Variants in GRM8 observed in about 807,000 individuals in gnomAD.
The protein encoded by GRM8 is glutamate metabotropic receptor 8, also known as metabotropic glutamate receptor 8.
Under a neutral mutation model 87.2 loss-of-function variants are expected in GRM8, and 47 were observed. The ratio of observed to expected loss-of-function variants is 0.54; its 90% CI spans 0.43 to 0.69. The LOEUF (loss-of-function observed/expected upper bound fraction) is 0.69. Among genes scored for constraint, GRM8 ranks in the 30% least tolerant of loss-of-function variants. GRM8 has a pLI of 0.00. For synonymous variants in GRM8, 396 were observed against 404.5 expected, an observed-to-expected ratio of 0.98 and a Z score of 0.25; for missense variants, 1,019 against 1,139.2, an observed-to-expected ratio of 0.89 and a Z score of 1.52.
intron 1 of GRM8, chr7:127,251,124 A>C (rs1159802796): frequency 6.6e-6 from 1 of 152,088 alleles, no homozygotes; most frequent in Non-Finnish European, 1.5e-5. Context: ...TGCTTAGGGG[A>C]CTTAAGGGTT....
At chr7:126,875,952 T>C (rs567002503) in intron 6 of GRM8, among the ~76,000 whole-genome samples, 166 of 152,284 alleles carry the variant, frequency 1.1e-3, no homozygotes, top group African/African-American at 3.9e-3. Context: ...TCGAATTCAG[T>C]AGTATTCATA....
chr7:127,120,622 T>C (rs981437156), intron 2 of GRM8, among the ~76,000 whole-genome samples: 2 of 152,236 alleles, frequency 1.3e-5, no homozygotes, highest in African/African-American at 4.8e-5. Flanking sequence ...AGAGCCCTGT[T>C]TCCTTTTGAA....
intron 6 of GRM8, among the ~76,000 whole-genome samples, chr7:126,813,668 A>G (rs1015417865): frequency 1.3e-5 from 2 of 152,036 alleles, no homozygotes; most frequent in Non-Finnish European, 2.9e-5. Context: ...AAACCTCAAG[A>G]ACCCTTAACA....
intron 3 of GRM8, among the ~76,000 whole-genome samples, chr7:127,009,521 A>G (rs1586739968): frequency 6.6e-6 from 1 of 152,288 alleles, no homozygotes; most frequent in South Asian, 2.1e-4. Context: ...GAAAACCTCA[A>G]CATTGCTCAT....
intron 2 of GRM8, among the ~76,000 whole-genome samples, chr7:127,148,423 A>T (rs530260896): frequency 6.6e-6 from 1 of 151,996 alleles, no homozygotes; most frequent in Admixed American, 6.6e-5. Flanking sequence ...AAGCAAAAAA[A>T]AAAAATAATA....
At chr7:126,607,681 G>A (rs937028610) in intron 8 of GRM8, among the ~76,000 whole-genome samples, 3 of 151,956 alleles carry the variant, frequency 2.0e-5, no homozygotes, top group East Asian at 1.9e-4. Flanking sequence ...ACTGTCTACC[G>A]TTCTTTTTTT....
At chr7:127,193,293 G>A (rs554563646) in intron 2 of GRM8, among the ~76,000 whole-genome samples, 4 of 152,256 alleles carry the variant, frequency 2.6e-5, no homozygotes, top group African/African-American at 9.6e-5. Context: ...AAATGAGAAT[G>A]TAAAAGCCAT....
At chr7:127,194,776 T>C (rs1331922402) in intron 2 of GRM8, among the ~76,000 whole-genome samples, 2 of 152,116 alleles carry the variant, frequency 1.3e-5, no homozygotes, top group Non-Finnish European at 2.9e-5. Flanking sequence ...CAGCCTAAAT[T>C]ACTCCTTAGT....
intron 9 of GRM8, among the ~76,000 whole-genome samples, chr7:126,473,093 CCA>C (rs1488247364): frequency 6.6e-6 from 1 of 152,280 alleles, no homozygotes; most frequent in East Asian, 1.9e-4. Context: ...ATGAGAGCCT[CCA>C]CACAGAGTCC....
chr7:126,624,688 T>C (rs1800499763), intron 7 of GRM8, among the ~76,000 whole-genome samples: 1 of 149,112 alleles, frequency 6.7e-6, no homozygotes, highest in Non-Finnish European at 1.5e-5. Context: ...TAGGCTACCC[T>C]TTTCCAGTCT....
chr7:126,889,717 G>T (rs1800820252), intron 6 of GRM8, among the ~76,000 whole-genome samples: 1 of 152,150 alleles, frequency 6.6e-6, no homozygotes, highest in African/African-American at 2.4e-5. Flanking sequence ...TGAGAAGCTG[G>T]TACTTAGGAA....
At chr7:127,245,744 A>C (rs1407461493) in intron 1 of GRM8, among the ~76,000 whole-genome samples, 1 of 152,212 alleles carries the variant, frequency 6.6e-6, no homozygotes, top group Non-Finnish European at 1.5e-5. Flanking sequence ...CTAGAGGTTC[A>C]GTTTTGGTTT....
intron 6 of GRM8, among the ~76,000 whole-genome samples, chr7:126,829,278 ATCTG>A (rs1795120637): frequency 7.0e-6 from 1 of 143,156 alleles, no homozygotes; most frequent in South Asian, 2.4e-4. Context: ...TGTCTCGTTG[ATCTG>A]TCTAATGTTG....
intron 2 of GRM8, among the ~76,000 whole-genome samples, chr7:127,226,460 C>G (rs1024207175): frequency 6.6e-6 from 1 of 152,188 alleles, no homozygotes; most frequent in African/African-American, 2.4e-5. Context: ...CTGATCTGTA[C>G]CTGAGATTCT....
intron 7 of GRM8, among the ~76,000 whole-genome samples, chr7:126,646,936 G>A (rs192129729): frequency 1.3e-5 from 2 of 152,280 alleles, no homozygotes; most frequent in Admixed American, 1.3e-4. Flanking sequence ...CCTGCATACA[G>A]TGGCCAGGGC....
intron 2 of GRM8, among the ~76,000 whole-genome samples, chr7:127,136,951 GA>G (rs535982061): frequency 2.0e-5 from 3 of 151,412 alleles, no homozygotes; most frequent in Non-Finnish European, 1.5e-5. Flanking sequence ...ATATATTTCT[GA>G]AAAAAAAGAA....
At chr7:126,518,488 C>A (rs1812501186) in intron 9 of GRM8, among the ~76,000 whole-genome samples, 1 of 151,964 alleles carries the variant, frequency 6.6e-6, no homozygotes, top group Non-Finnish European at 1.5e-5. Context: ...ACTGGGCATC[C>A]TTTTTCTCTT....
rs144418442 is a variant in GRM8, at chr7:126,872,973, A to G, written c.1156+29569T>C. Among the ~76,000 whole-genome samples, 13 of 152,240 alleles carry G rather than the reference A, an allele frequency of 8.5e-5. No individual in the cohort carries two copies. In the East Asian group the frequency reaches 2.3e-3, roughly 27 times the overall value. ...TTACAAAGCACTCAACTTATAAATA[A>G]CATTTATTTTATATTAATAAAAAGA... On this transcript the variant is annotated intron_variant, in intron 6 of 10. Transcript: ENST00000339582.
At chr7:127,182,632 GGTGTGTGTGTGT>G (rs35530710) in intron 2 of GRM8, among the ~76,000 whole-genome samples, 15,371 of 141,738 alleles carry the variant, frequency 0.11, 867 homozygotes, top group Middle Eastern at 0.12. Flanking sequence ...AAGAAAGTGT[GGTGTGTGTGTGT>G]GTGTGTGTGT....
Sources: gnomAD v4.1 joint callset for allele counts (sites outside exome capture counted in the v4.1 genomes callset) on GRCh38, gnomAD v4.1.1 for gene constraint, MANE v1.5 for transcripts, NCBI Gene and HGNC (gene_info 2026-07-23, HGNC 2026-07-21) for gene names.